PPP1R16B: variants seen among roughly 807,000 people sequenced by gnomAD.
The protein encoded by PPP1R16B is protein phosphatase 1 regulatory inhibitor subunit 16B.
In PPP1R16B, 14 loss-of-function variants were observed where a neutral mutation model predicts 61.7. The ratio of observed to expected loss-of-function variants is 0.23; its 90% CI spans 0.15 to 0.35. PPP1R16B has a LOEUF of 0.35. PPP1R16B is among the 10% of genes least tolerant of loss of function. The pLI, the probability that PPP1R16B is intolerant of heterozygous loss-of-function variation, is 1.00. For missense variants in PPP1R16B, 547 were observed against 752.5 expected (o/e 0.73, Z 3.19); for synonymous variants, 266 against 305.3 (o/e 0.87, Z 1.34).
chr20:38,842,432 C>T (rs2084914163), intron 2 of PPP1R16B, among the ~76,000 whole-genome samples: 1 of 152,156 alleles, frequency 6.6e-6, no homozygotes, highest in African/African-American at 2.4e-5. Flanking sequence ...CTGTTTTTCT[C>T]TCAGAATGTG....
At chr20:38,861,297 G>A (rs981372060) in intron 2 of PPP1R16B, among the ~76,000 whole-genome samples, 1 of 152,202 alleles carries the variant, frequency 6.6e-6, no homozygotes, top group Non-Finnish European at 1.5e-5. Flanking sequence ...GCAGGCCAAA[G>A]CCCAACTTGG....
intron 2 of PPP1R16B, among the ~76,000 whole-genome samples, chr20:38,875,072 G>T (rs1194959322): frequency 6.6e-6 from 1 of 152,194 alleles, no homozygotes; most frequent in Non-Finnish European, 1.5e-5. Context: ...TGAGCTGTGA[G>T]GATACGAGGG....
In PPP1R16B at chr20:38,832,867, G is replaced by A. The variant is rs1452770469; in HGVS notation, c.-101-2958G>A. Among the ~76,000 whole-genome samples, 10 of 148,674 alleles carry A rather than the reference G, an allele frequency of 6.7e-5. No homozygotes were observed. In the East Asian group the frequency reaches 7.8e-4, roughly 12 times the overall value. ...CAGGAGGCGGAGGTTGCAGTGAGCC[G>A]AGATCACGCCATTGCACTCCAGCCT... On this transcript the variant is annotated intron_variant, in intron 1 of 10. Coordinates refer to ENST00000299824, the MANE Select transcript of PPP1R16B (RefSeq NM_015568.4).
intron 1 of PPP1R16B, among the ~76,000 whole-genome samples, chr20:38,813,105 C>T (rs556531350): frequency 6.6e-6 from 1 of 152,328 alleles, no homozygotes; most frequent in African/African-American, 2.4e-5. Flanking sequence ...CCTGTTGTGC[C>T]TGTTCACACA....
chr20:38,918,161 C>T lies in PPP1R16B; in HGVS notation c.1199C>T (p.Pro400Leu). The change falls in exon 11 of 11, where the codon CCC (proline) becomes CTC (leucine). Residue 400 changes from proline to leucine, a missense_variant. Physicochemically the swap from Pro to Leu is moderately conservative, Grantham distance 98. Transcript: ENST00000299824. This position sits in a 1 kb window ranked among gnomAD's most constrained non-coding sequence, Gnocchi z 5.3. ...TGTTGTCCTTCTCACTCGCAGAACC[C>T]CAGGCTGGAGAAGCCCGTGCTACTC... ...RTDQENKDPN[P>L]RLEKPVLLSE... The T allele has an allele frequency of 6.2e-7, 1 of 1,613,488 alleles. No individual in the cohort carries two copies. Among genetic ancestry groups the T allele is most frequent in the South Asian group, 1.1e-5 (1 of 91,072 alleles).
At chr20:38,848,625 A>T (rs2084949304) in intron 2 of PPP1R16B, among the ~76,000 whole-genome samples, 1 of 152,196 alleles carries the variant, frequency 6.6e-6, no homozygotes, top group Non-Finnish European at 1.5e-5. Flanking sequence ...TTTCCCTCCA[A>T]ACCTCAAAAA....
At chr20:38,902,613 CCT>C in intron 5 of PPP1R16B, 53 bp from the exon 6 acceptor site, 1 of 1,610,254 alleles carries the variant, frequency 6.2e-7, no homozygotes. Context: ...CTTCCCCTGC[CCT>C]CTGGGGTCGT....
At chr20:38,841,477 A>G (rs2084909030) in intron 2 of PPP1R16B, among the ~76,000 whole-genome samples, 4 of 151,748 alleles carry the variant, frequency 2.6e-5, no homozygotes, top group Admixed American at 6.6e-5. Flanking sequence ...GCAGTGAGCC[A>G]TGATTGAACC....
intron 2 of PPP1R16B, among the ~76,000 whole-genome samples, chr20:38,875,970 CTTTT>C (rs34445273): frequency 9.6e-6 from 1 of 104,162 alleles, no homozygotes; most frequent in Non-Finnish European, 1.8e-5. Context: ...TGGTTTTGAA[CTTTT>C]TTTTTTTTTT....
intron 1 of PPP1R16B, among the ~76,000 whole-genome samples, chr20:38,810,914 T>A (rs1601227160): frequency 6.6e-6 from 1 of 152,272 alleles, no homozygotes; most frequent in East Asian, 1.9e-4. Flanking sequence ...ACACACTTTG[T>A]AAATCTAAGG....
At chr20:38,878,505 A>G (rs1181591710) in intron 2 of PPP1R16B, among the ~76,000 whole-genome samples, 1 of 152,216 alleles carries the variant, frequency 6.6e-6, no homozygotes, top group Non-Finnish European at 1.5e-5. Context: ...GTCCCTTGTA[A>G]TTAGTCATGC....
rs188329935 is a variant in PPP1R16B, at chr20:38,845,239, C to T, written c.250+9064C>T. Among the ~76,000 whole-genome samples the T allele has an allele frequency of 8.0e-5, 11 of 138,072 alleles. No homozygotes were observed. The East Asian group carries it at 2.3e-3, about 29-fold the overall frequency. The allele number at this position is 138,072 out of a possible 152,430, so 90.6% of individuals were successfully genotyped here. On this transcript the variant is annotated intron_variant, in intron 2 of 10. Transcript: ENST00000299824. ...AGAGAGTGAGCCCAGCTGTCTTCAG[C>T]CCTTCGGATCTACACACAAACAAGG...
In PPP1R16B at chr20:38,809,986, A is replaced by G. The variant is rs1386480879; in HGVS notation, c.-102+4194A>G. ...GGCAACAGAGTAAGACCTTGTTTCG[A>G]AAAAAAAAAAAAAAAAAAAACAAAA... On this transcript the variant is annotated intron_variant, in intron 1 of 10. Transcript: ENST00000299824. Among the ~76,000 whole-genome samples the G allele has an allele frequency of 7.0e-4, 13 of 18,642 alleles. No homozygotes were observed. The South Asian group carries it at 8.0e-3, about 12-fold the overall frequency. 12.2% of individuals were successfully genotyped at this position (18,642 alleles called of 152,430 possible). A position where few individuals can be genotyped will look rare whatever the true frequency, so the allele number is the denominator to read the frequency against.
chr20:38,917,834 G>A (rs2085554457), intron 10 of PPP1R16B, among the ~76,000 whole-genome samples: 1 of 152,116 alleles, frequency 6.6e-6, no homozygotes, highest in Non-Finnish European at 1.5e-5. Flanking sequence ...CTCTTTCCCA[G>A]TTGTTCTAGC....
chr20:38,818,782 A>G (rs1379378766), intron 1 of PPP1R16B, among the ~76,000 whole-genome samples: 3 of 146,680 alleles, frequency 2.0e-5, no homozygotes, highest in African/African-American at 7.6e-5. Context: ...TCCCCTTGAG[A>G]CAAGATCTCA....
At chr20:38,887,781 T>C (rs961670209) in intron 2 of PPP1R16B, among the ~76,000 whole-genome samples, 2 of 152,258 alleles carry the variant, frequency 1.3e-5, no homozygotes, top group Non-Finnish European at 2.9e-5. Flanking sequence ...TGGCTATGCA[T>C]ACTGGGCAGG....
In PPP1R16B at chr20:38,915,411, G is replaced by A. The variant is rs1601318624; in HGVS notation, c.1195-2746G>A. ...CTCTAGCAATCACTGATCTTCTACT[G>A]TTTTCATAAGTCTTGCTTTTCCAAA... On this transcript the variant is annotated intron_variant, in intron 10 of 10. Coordinates refer to ENST00000299824, the MANE Select transcript of PPP1R16B (RefSeq NM_015568.4). 3.3e-5 allele frequency among the ~76,000 whole-genome samples: 5 copies of A among 152,232 alleles called. No homozygotes were observed. The South Asian group carries it at 1.0e-3, about 32-fold the overall frequency.
chr20:38,864,863 G>C (rs1235168558), intron 2 of PPP1R16B, among the ~76,000 whole-genome samples: 5 of 152,218 alleles, frequency 3.3e-5, no homozygotes, highest in African/African-American at 1.2e-4. Context: ...CAGTTTGAGA[G>C]TGCCTGGCCC....
chr20:38,837,144 A>G (rs1334965586), intron 2 of PPP1R16B, among the ~76,000 whole-genome samples: 1 of 152,176 alleles, frequency 6.6e-6, no homozygotes, highest in Non-Finnish European at 1.5e-5. Context: ...TGGACTCTGA[A>G]GTGAGACTAC....
Sources: gnomAD v4.1 joint callset for allele counts (sites outside exome capture counted in the v4.1 genomes callset) on GRCh38, gnomAD v4.1.1 for gene constraint, Gnocchi (gnomAD v3.1) non-coding constraint, MANE v1.5 for transcripts, NCBI Gene and HGNC (gene_info 2026-07-23, HGNC 2026-07-21) for gene names.